Variants in PDZRN4 observed in about 807,000 individuals in gnomAD.
The protein encoded by PDZRN4 is PDZ domain-containing RING finger protein 4.
A neutral mutation model predicts 99.0 loss-of-function variants in PDZRN4; 70 were observed. That is an observed-to-expected ratio of 0.71 (90% CI 0.58 to 0.86). PDZRN4 has a LOEUF of 0.86. PDZRN4 is among the 40% of genes least tolerant of loss of function. The probability of loss-of-function intolerance (pLI) is 0.00; values close to 1 mark genes in which losing one functional copy is unlikely to be tolerated. For synonymous variants in PDZRN4, 551 were observed against 501.6 expected (o/e 1.10, Z -1.32); for missense variants, 1,474 against 1,331.2 (o/e 1.11, Z -1.67).
intron 3 of PDZRN4, among the ~76,000 whole-genome samples, chr12:41,405,267 A>G (rs1004076197): frequency 6.6e-6 from 1 of 152,104 alleles, no homozygotes; most frequent in African/African-American, 2.4e-5. Flanking sequence ...AAAAACAACC[A>G]TATTAAAAAA....
chr12:41,333,314 G>C (rs1472966887), intron 3 of PDZRN4, among the ~76,000 whole-genome samples: 1 of 152,054 alleles, frequency 6.6e-6, no homozygotes, highest in Admixed American at 6.6e-5. Flanking sequence ...CAGCAGCTGT[G>C]TGCTCCAGCA....
At chr12:41,337,157 A>C (rs563272363) in intron 3 of PDZRN4, among the ~76,000 whole-genome samples, 1 of 152,252 alleles carries the variant, frequency 6.6e-6, no homozygotes, top group East Asian at 1.9e-4. Flanking sequence ...GCCTACACCC[A>C]AGAATGAACA....
chr12:41,331,987 G>A (rs1400513366), intron 3 of PDZRN4, among the ~76,000 whole-genome samples: 2 of 152,096 alleles, frequency 1.3e-5, no homozygotes, highest in East Asian at 3.9e-4. Context: ...AATAATGTTT[G>A]AAATAGTCAT....
At chr12:41,292,392 G>A (rs1168621478) in intron 3 of PDZRN4, among the ~76,000 whole-genome samples, 2 of 152,246 alleles carry the variant, frequency 1.3e-5, no homozygotes, top group Middle Eastern at 3.4e-3. Flanking sequence ...CAGACCAAGA[G>A]AAAAAATGGC....
intron 3 of PDZRN4, among the ~76,000 whole-genome samples, chr12:41,262,526 T>A (rs1329092127): frequency 1.3e-5 from 2 of 152,228 alleles, no homozygotes; most frequent in African/African-American, 4.8e-5. Context: ...AATAATTTCT[T>A]ATGCAATAGC....
chr12:41,197,044 T>C (rs1481438117), intron 3 of PDZRN4, among the ~76,000 whole-genome samples: 3 of 151,968 alleles, frequency 2.0e-5, no homozygotes, highest in Non-Finnish European at 2.9e-5. Context: ...TTTACTGATA[T>C]ATAACTGAAA....
chr12:41,480,975 T>TA (rs1937663911), intron 3 of PDZRN4, among the ~76,000 whole-genome samples: 1 of 143,740 alleles, frequency 7.0e-6, no homozygotes, highest in Non-Finnish European at 1.5e-5. Context: ...ATTACAGGGT[T>TA]TTTTTTTTTC....
chr12:41,445,651 T>A (rs1202460888), intron 3 of PDZRN4, among the ~76,000 whole-genome samples: 2 of 149,482 alleles, frequency 1.3e-5, no homozygotes, highest in African/African-American at 5.0e-5. Flanking sequence ...TTATGAAGAT[T>A]CTATACTCTT....
At chr12:41,301,322 T>G (rs953388842) in intron 3 of PDZRN4, among the ~76,000 whole-genome samples, 1 of 152,054 alleles carries the variant, frequency 6.6e-6, no homozygotes, top group Non-Finnish European at 1.5e-5. Context: ...TTTCTCAAAT[T>G]TTCAATATTT....
chr12:41,228,376 C>T (rs892024652), intron 3 of PDZRN4, among the ~76,000 whole-genome samples: 1 of 152,028 alleles, frequency 6.6e-6, no homozygotes, highest in African/African-American at 2.4e-5. Flanking sequence ...TTACTGACTA[C>T]AGAATAATTT....
At chr12:41,383,047 T>A (rs1162584056) in intron 3 of PDZRN4, among the ~76,000 whole-genome samples, 1 of 152,234 alleles carries the variant, frequency 6.6e-6, no homozygotes, top group African/African-American at 2.4e-5. Flanking sequence ...GTGAATTCCA[T>A]TTTTATGATA....
intron 3 of PDZRN4, among the ~76,000 whole-genome samples, chr12:41,220,409 C>A (rs759676312): frequency 6.6e-6 from 1 of 152,054 alleles, no homozygotes; most frequent in South Asian, 2.1e-4. Context: ...TCTTTAAAGA[C>A]CCCATGTCCA....
At chr12:41,517,817 C>T (rs1231973295) in intron 5 of PDZRN4, among the ~76,000 whole-genome samples, 1 of 151,942 alleles carries the variant, frequency 6.6e-6, no homozygotes, top group African/African-American at 2.4e-5. Flanking sequence ...AGAGAAAGCC[C>T]ACACACTCAC....
chr12:41,320,261 C>A (rs1364845037), intron 3 of PDZRN4, among the ~76,000 whole-genome samples: 1 of 152,142 alleles, frequency 6.6e-6, no homozygotes, highest in Non-Finnish European at 1.5e-5. Context: ...GACTCACAGA[C>A]CTGTGTGGGT....
At chr12:41,385,391 A>G (rs571594275) in intron 3 of PDZRN4, among the ~76,000 whole-genome samples, 31 of 152,308 alleles carry the variant, frequency 2.0e-4, no homozygotes, top group African/African-American at 6.0e-4. Flanking sequence ...TTGAAGGCCA[A>G]TGTTCTAGAA....
At chr12:41,538,208 AG>A (rs1156419542) in intron 5 of PDZRN4, among the ~76,000 whole-genome samples, 3 of 152,204 alleles carry the variant, frequency 2.0e-5, no homozygotes, top group African/African-American at 7.2e-5. Context: ...TTAAAAAAAA[AG>A]TAACCATCTT....
At chr12:41,272,637 G>T (rs1014909338) in intron 3 of PDZRN4, among the ~76,000 whole-genome samples, 2 of 151,976 alleles carry the variant, frequency 1.3e-5, no homozygotes, top group African/African-American at 4.8e-5. Context: ...GACTCTTTTA[G>T]TAAGAAATGG....
chr12:41,364,655 G>T (rs1951985197), intron 3 of PDZRN4, among the ~76,000 whole-genome samples: 1 of 151,886 alleles, frequency 6.6e-6, no homozygotes, highest in South Asian at 2.1e-4. Flanking sequence ...TACTAAACAG[G>T]TTCCATTTTT....
chr12:41,343,840 T>G (rs1387711180), intron 3 of PDZRN4, among the ~76,000 whole-genome samples: 2 of 151,980 alleles, frequency 1.3e-5, no homozygotes, highest in East Asian at 1.9e-4. Context: ...AACATCAAAT[T>G]GTACCCTATA....
Sources: allele counts gnomAD v4.1 joint callset (sites outside exome capture counted in the v4.1 genomes callset), GRCh38; gene constraint gnomAD v4.1.1; transcripts MANE v1.5; gene names NCBI Gene and HGNC (gene_info 2026-07-23, HGNC 2026-07-21).